The following PTPRO variants were observed in gnomAD, a reference collection of about 807,000 sequenced individuals.
The protein encoded by PTPRO is receptor-type tyrosine-protein phosphatase O.
Under a neutral mutation model 145.2 loss-of-function variants are expected in PTPRO, and 62 were observed. The observed-to-expected ratio is 0.43, with a 90% CI of 0.35 to 0.53. The LOEUF is 0.53. Among genes scored for constraint, PTPRO ranks in the 20% least tolerant of loss-of-function variants. The probability of loss-of-function intolerance (pLI) is 0.01; values close to 1 mark genes in which losing one functional copy is unlikely to be tolerated. For synonymous variants in PTPRO, 565 were observed against 514.7 expected (o/e 1.10, Z -1.32); for missense variants, 1,345 against 1,482.7 (o/e 0.91, Z 1.53).
At chr12:15,496,136 T>TTTTTTTTTTC in intron 2 of PTPRO, among the ~76,000 whole-genome samples, 1 of 98,484 alleles carries the variant, frequency 1.0e-5, no homozygotes, top group Non-Finnish European at 1.9e-5. Context: ...TTTCTTTTCT[T>TTTTTTTTTTC]TTTTTGTTTT....
intron 13 of PTPRO, among the ~76,000 whole-genome samples, chr12:15,548,528 ATG>A (rs34372542): frequency 0.036 from 5,384 of 149,188 alleles, 92 homozygotes; most frequent in Non-Finnish European, 0.048. Flanking sequence ...GTGTATATAT[ATG>A]TGTGTGTGTG....
At chr12:15,486,821 AATT>A (rs946056934) in intron 2 of PTPRO, among the ~76,000 whole-genome samples, 4 of 151,266 alleles carry the variant, frequency 2.6e-5, no homozygotes, top group Non-Finnish European at 5.9e-5. Flanking sequence ...ATATATATGT[AATT>A]ATTAATATTT....
chr12:15,364,757 T>C (rs1938310743), intron 1 of PTPRO, among the ~76,000 whole-genome samples: 1 of 152,210 alleles, frequency 6.6e-6, no homozygotes, highest in African/African-American at 2.4e-5. Flanking sequence ...TGTACACATT[T>C]AGAAAAGATC....
At chr12:15,393,788 T>C (rs181235313) in intron 1 of PTPRO, among the ~76,000 whole-genome samples, 15 of 152,320 alleles carry the variant, frequency 9.8e-5, no homozygotes, top group African/African-American at 3.6e-4. Context: ...TATGACTGAA[T>C]ACCTGGGACT....
intron 1 of PTPRO, among the ~76,000 whole-genome samples, chr12:15,455,171 T>C (rs1455416007): frequency 6.6e-6 from 1 of 152,164 alleles, no homozygotes; most frequent in East Asian, 1.9e-4. Context: ...CTCTGTAGCC[T>C]GGAATGCTCT....
At chr12:15,433,464 A>T (rs1309411621) in intron 1 of PTPRO, among the ~76,000 whole-genome samples, 5 of 152,116 alleles carry the variant, frequency 3.3e-5, no homozygotes, top group African/African-American at 9.7e-5. Context: ...ATTACAGGCG[A>T]CAGCCACCAT....
At chr12:15,360,621 A>C (rs111872795) in intron 1 of PTPRO, among the ~76,000 whole-genome samples, 15,349 of 150,848 alleles carry the variant, frequency 0.1, 1,908 homozygotes, top group African/African-American at 0.3. Flanking sequence ...CTCTCTCTCT[A>C]TATATATATG....
intron 7 of PTPRO, among the ~76,000 whole-genome samples, chr12:15,514,498 T>C (rs943058467): frequency 6.9e-6 from 1 of 144,820 alleles, no homozygotes; most frequent in African/African-American, 2.7e-5. Flanking sequence ...GAAGGTCTCA[T>C]GTAAATGAGA....
chr12:15,473,768 C>CAAAAAAAAAAAAAAAAAAAAAAAAAAAA (rs11340085), intron 1 of PTPRO, among the ~76,000 whole-genome samples: 1 of 65,574 alleles, frequency 1.5e-5, no homozygotes, highest in Non-Finnish European at 2.8e-5. Flanking sequence ...GACTCCATCT[C>CAAAAAAAAAAAAAAAAAAAAAAAAAAAA]AAAAAAAAAA....
At chr12:15,523,550 G>A (rs2136521647) in intron 10 of PTPRO, among the ~76,000 whole-genome samples, 1 of 152,220 alleles carries the variant, frequency 6.6e-6, no homozygotes, top group African/African-American at 2.4e-5. Context: ...CACGATGGGT[G>A]GATTGCTTGA....
chr12:15,501,553 A>C, intron 4 of PTPRO, 67 bp from the exon 5 acceptor site: 2 of 1,416,766 alleles, frequency 1.4e-6, no homozygotes, highest in Non-Finnish European at 2.0e-6. Flanking sequence ...CTGACTCATT[A>C]AGAGATTAAG....
intron 7 of PTPRO, among the ~76,000 whole-genome samples, chr12:15,514,868 T>A (rs1400632309): frequency 6.6e-6 from 1 of 152,130 alleles, no homozygotes; most frequent in African/African-American, 2.4e-5. Context: ...GTTCAAGCAA[T>A]TCTCCTACCT....
chr12:15,388,991 A>G (rs1939110518), intron 1 of PTPRO, among the ~76,000 whole-genome samples: 1 of 149,820 alleles, frequency 6.7e-6, no homozygotes, highest in Admixed American at 6.6e-5. Flanking sequence ...AAAAGGTTTT[A>G]TTTTCTCTGT....
At chr12:15,332,303 G>A (rs1866636681) in intron 1 of PTPRO, among the ~76,000 whole-genome samples, 1 of 152,026 alleles carries the variant, frequency 6.6e-6, no homozygotes. Context: ...TAACCTTAAG[G>A]ATAAAGAAAA....
intron 10 of PTPRO, among the ~76,000 whole-genome samples, chr12:15,520,572 C>T (rs1283264154): frequency 3.3e-5 from 5 of 152,128 alleles, no homozygotes; most frequent in Non-Finnish European, 5.9e-5. Context: ...ATGTACTCTC[C>T]GGCTGGGATT....
At chr12:15,563,511 G>C (rs2135591751) in intron 17 of PTPRO, among the ~76,000 whole-genome samples, 1 of 152,110 alleles carries the variant, frequency 6.6e-6, no homozygotes, top group Non-Finnish European at 1.5e-5. Context: ...GAAACTCCTT[G>C]GAATCAGCAA....
intron 1 of PTPRO, among the ~76,000 whole-genome samples, chr12:15,430,147 G>A (rs1408176660): frequency 2.6e-5 from 4 of 151,722 alleles, no homozygotes; most frequent in Non-Finnish European, 5.9e-5. Flanking sequence ...ATACAGATTT[G>A]AGAGGTTTTT....
intron 1 of PTPRO, among the ~76,000 whole-genome samples, chr12:15,364,427 T>C (rs1158101194): frequency 1.3e-5 from 2 of 152,318 alleles, no homozygotes; most frequent in Admixed American, 6.5e-5. Flanking sequence ...AAATATTTAC[T>C]GTAATTGATT....
At chr12:15,461,812 C>T (rs928494098) in intron 1 of PTPRO, among the ~76,000 whole-genome samples, 7 of 151,942 alleles carry the variant, frequency 4.6e-5, no homozygotes, top group East Asian at 1.9e-4. Context: ...GTGATCCGCC[C>T]GCCTCAGCCT....
Sources: gnomAD v4.1 joint callset for allele counts (sites outside exome capture counted in the v4.1 genomes callset) on GRCh38, gnomAD v4.1.1 for gene constraint, MANE v1.5 for transcripts, NCBI Gene and HGNC (gene_info 2026-07-23, HGNC 2026-07-21) for gene names.